The following FHIT variants were observed in gnomAD, a reference collection of about 807,000 sequenced individuals.
FHIT encodes bis(5'-adenosyl)-triphosphatase.
FHIT carries 19 observed loss-of-function variants against 17.9 expected under a neutral mutation model. That is an observed-to-expected ratio of 1.06 (90% CI 0.74 to 1.56). The LOEUF (loss-of-function observed/expected upper bound fraction) is 1.56, where lower values mean the gene tolerates loss of function less well. Ranked by LOEUF, FHIT falls within the 40% of genes most tolerant of loss-of-function variation. The probability of loss-of-function intolerance (pLI) is 0.00; values close to 1 mark genes in which losing one functional copy is unlikely to be tolerated. For missense variants in FHIT, 248 were observed against 189.2 expected (o/e 1.31, Z -1.82); for synonymous variants, 81 against 69.7 (o/e 1.16, Z -0.81).
intron 1 of FHIT, among the ~76,000 whole-genome samples, chr3:61,213,110 T>C (rs1199151493): frequency 6.6e-6 from 1 of 152,084 alleles, no homozygotes; most frequent in Non-Finnish European, 1.5e-5. Context: ...ACGAGCAAAA[T>C]AACCAGCTAA....
chr3:61,009,958 C>T (rs574167636), intron 3 of FHIT, among the ~76,000 whole-genome samples: 4 of 152,088 alleles, frequency 2.6e-5, no homozygotes, highest in Admixed American at 6.5e-5. Flanking sequence ...ATATTTTAGA[C>T]CTACCCTAAT....
chr3:60,097,024 TAAAA>T (rs71287192), intron 5 of FHIT, among the ~76,000 whole-genome samples: 1 of 127,230 alleles, frequency 7.9e-6, no homozygotes, highest in Non-Finnish European at 1.6e-5. Flanking sequence ...CTGTTATTAT[TAAAA>T]AAAAAAAAAA....
intron 2 of FHIT, among the ~76,000 whole-genome samples, chr3:61,108,983 G>C (rs181435995): frequency 6.6e-6 from 1 of 152,202 alleles, no homozygotes; most frequent in South Asian, 2.1e-4. Context: ...TGCCATCATA[G>C]AGTGCAAAGT....
chr3:60,425,072 C>A (rs1375674654), intron 5 of FHIT, among the ~76,000 whole-genome samples: 1 of 152,006 alleles, frequency 6.6e-6, no homozygotes, highest in African/African-American at 2.4e-5. Context: ...GCTGAACGTG[C>A]CTTCCTAGGT....
chr3:60,546,922 A>G (rs2036386573), intron 4 of FHIT, among the ~76,000 whole-genome samples: 2 of 152,170 alleles, frequency 1.3e-5, no homozygotes, highest in South Asian at 4.1e-4. Context: ...AATTGTGGTA[A>G]AAATCCTCCC....
intron 3 of FHIT, among the ~76,000 whole-genome samples, chr3:60,899,195 A>C (rs1705979295): frequency 6.6e-6 from 1 of 152,168 alleles, no homozygotes; most frequent in Non-Finnish European, 1.5e-5. Context: ...AAAATTCGAT[A>C]TTTGGTGTGT....
intron 4 of FHIT, among the ~76,000 whole-genome samples, chr3:60,797,433 A>C (rs1701019848): frequency 1.3e-5 from 2 of 149,756 alleles, no homozygotes; most frequent in Admixed American, 1.3e-4. Flanking sequence ...TGATTAAGAC[A>C]GATTCTGGCA....
intron 2 of FHIT, among the ~76,000 whole-genome samples, chr3:61,052,290 C>A (rs140224600): frequency 0.013 from 1,941 of 152,296 alleles, 17 homozygotes; most frequent in Non-Finnish European, 0.018. Context: ...TAGCAGCAAC[C>A]CTGCAAAGAA....
chr3:60,436,074 G>C (rs1015269105), intron 5 of FHIT, among the ~76,000 whole-genome samples: 4 of 151,606 alleles, frequency 2.6e-5, no homozygotes, highest in African/African-American at 9.7e-5. Context: ...ATGGAGTTTC[G>C]CTCTGTCATC....
chr3:61,047,712 C>T (rs1218644991), intron 2 of FHIT, among the ~76,000 whole-genome samples: 21 of 152,164 alleles, frequency 1.4e-4, no homozygotes, highest in South Asian at 2.1e-4. Flanking sequence ...GGAGCCATCA[C>T]GCTACCTGAC....
At chr3:59,909,662 C>G (rs532175309) in intron 8 of FHIT, among the ~76,000 whole-genome samples, 6 of 152,220 alleles carry the variant, frequency 3.9e-5, no homozygotes, top group African/African-American at 1.4e-4. Flanking sequence ...TTGGGTGTTT[C>G]AGCTACTTAG....
intron 5 of FHIT, among the ~76,000 whole-genome samples, chr3:60,364,990 C>T (rs1469453283): frequency 6.6e-6 from 1 of 151,678 alleles, no homozygotes; most frequent in Non-Finnish European, 1.5e-5. Context: ...GACTTCTCGG[C>T]CTCCTTAAGT....
chr3:60,040,157 A>T (rs1005428600), intron 5 of FHIT, among the ~76,000 whole-genome samples: 8 of 151,632 alleles, frequency 5.3e-5, no homozygotes, highest in East Asian at 2.0e-4. Context: ...TTATTTATTT[A>T]TTTTTTTGAG....
At chr3:60,623,656 A>G (rs1033507074) in intron 4 of FHIT, among the ~76,000 whole-genome samples, 12 of 152,228 alleles carry the variant, frequency 7.9e-5, no homozygotes, top group Admixed American at 7.2e-4. Context: ...CAGTTAAAGC[A>G]GAAGGAACAG....
chr3:59,968,201 T>C (rs973575669), intron 7 of FHIT, among the ~76,000 whole-genome samples: 8 of 152,228 alleles, frequency 5.3e-5, no homozygotes, highest in African/African-American at 1.9e-4. Context: ...GTACCCACCA[T>C]TGACCTTAAC....
chr3:60,936,363 C>G (rs994434769), intron 3 of FHIT, among the ~76,000 whole-genome samples: 1 of 152,138 alleles, frequency 6.6e-6, no homozygotes, highest in Non-Finnish European at 1.5e-5. Context: ...GAGTAAATAA[C>G]AACATGTTGT....
chr3:60,897,098 T>C (rs963990080), intron 3 of FHIT, among the ~76,000 whole-genome samples: 8 of 152,348 alleles, frequency 5.3e-5, no homozygotes, highest in African/African-American at 1.7e-4. Flanking sequence ...CAATATCTTC[T>C]GGTGATCACT....
intron 7 of FHIT, among the ~76,000 whole-genome samples, chr3:59,954,639 G>A: frequency 6.6e-6 from 1 of 152,178 alleles, no homozygotes. Flanking sequence ...CACATAGTAG[G>A]CACTTGCAAT....
At chr3:60,813,614 CA>C in intron 4 of FHIT, among the ~76,000 whole-genome samples, 1 of 152,266 alleles carries the variant, frequency 6.6e-6, no homozygotes, top group East Asian at 1.9e-4. Context: ...CTATACTCTC[CA>C]ATTACATTTT....
Sources: gnomAD v4.1 joint callset for allele counts (sites outside exome capture counted in the v4.1 genomes callset) on GRCh38, gnomAD v4.1.1 for gene constraint, MANE v1.5 for transcripts, NCBI Gene and HGNC (gene_info 2026-07-23, HGNC 2026-07-21) for gene names.